Variants in PRKAG2 observed in about 807,000 individuals in gnomAD.
The protein encoded by PRKAG2 is protein kinase AMP-activated non-catalytic subunit gamma 2.
A neutral mutation model predicts 69.6 loss-of-function variants in PRKAG2; 26 were observed. The ratio of observed to expected loss-of-function variants is 0.37; its 90% CI spans 0.27 to 0.52. The LOEUF (loss-of-function observed/expected upper bound fraction) is 0.52. PRKAG2 is among the 20% of genes least tolerant of loss of function. The pLI, the probability that PRKAG2 is intolerant of heterozygous loss-of-function variation, is 0.90. For missense variants in PRKAG2, 557 were observed against 740.0 expected (o/e 0.75, Z 2.87); for synonymous variants, 293 against 285.0 (o/e 1.03, Z -0.28).
At chr7:151,571,073 A>AT (rs549539764) in intron 9 of PRKAG2, among the ~76,000 whole-genome samples, 10,129 of 134,974 alleles carry the variant, frequency 0.075, 896 homozygotes, top group African/African-American at 0.21. Flanking sequence ...GCCCAGCCTA[A>AT]TTTTTTTTTT....
At chr7:151,843,422 C>A (rs942671571) in intron 1 of PRKAG2, among the ~76,000 whole-genome samples, 1 of 152,154 alleles carries the variant, frequency 6.6e-6, no homozygotes, top group Admixed American at 6.5e-5. Flanking sequence ...TGCACCATCA[C>A]GCGGCTACAG....
At position 151,835,962 on chromosome 7, in the gene PRKAG2, A is replaced by G. The variant is rs1015005851; in HGVS notation, c.114+40545T>C. 2.0e-5 allele frequency among the ~76,000 whole-genome samples: 3 copies of G among 152,158 alleles called. No individual in the cohort carries two copies. Among genetic ancestry groups the G allele is most frequent in the African/African-American group, 7.2e-5 (3 of 41,440 alleles). On this transcript the variant is annotated intron_variant, in intron 1 of 15. Coordinates refer to ENST00000287878, the MANE Select transcript of PRKAG2 (RefSeq NM_016203.4). The surrounding 1 kb of genome is among the most constrained non-coding windows in gnomAD (Gnocchi z 4.1). ...TGACGAGGCCAATCCACGGGCATTGATTGCTCCATGGACCAGCGTGTCTGA... is the reference window on the plus strand; with the variant it reads ...TGACGAGGCCAATCCACGGGCATTGGTTGCTCCATGGACCAGCGTGTCTGA...
intron 3 of PRKAG2, among the ~76,000 whole-genome samples, chr7:151,726,346 GCTTAC>G: frequency 6.7e-6 from 1 of 149,934 alleles, no homozygotes; most frequent in East Asian, 2.0e-4. Flanking sequence ...CACAGCACCT[GCTTAC>G]AGAATCACCA....
chr7:151,726,540 G>A (rs147288007), intron 3 of PRKAG2, among the ~76,000 whole-genome samples: 1,681 of 152,220 alleles, frequency 0.011, 54 homozygotes, highest in Non-Finnish European at 7.1e-3. Context: ...TCACAGCCCC[G>A]ACTGGAAACC....
At chr7:151,762,630 A>G (rs1188794998) in intron 3 of PRKAG2, among the ~76,000 whole-genome samples, 2 of 152,222 alleles carry the variant, frequency 1.3e-5, no homozygotes, top group Admixed American at 1.3e-4. Flanking sequence ...GCCCACGCAC[A>G]TCGACCAGCA....
chr7:151,724,630 G>A (rs1797634205), intron 3 of PRKAG2, among the ~76,000 whole-genome samples: 1 of 152,072 alleles, frequency 6.6e-6, no homozygotes, highest in African/African-American at 2.4e-5. Context: ...CCGGGCTTTG[G>A]GCACCCTTGC....
intron 4 of PRKAG2, among the ~76,000 whole-genome samples, chr7:151,649,971 C>T (rs1473766381): frequency 6.6e-6 from 1 of 152,124 alleles, no homozygotes; most frequent in African/African-American, 2.4e-5. Context: ...GAGGAAATGT[C>T]CCCCTCACCT....
At chr7:151,797,318 A>G (rs2077604219) in intron 1 of PRKAG2, among the ~76,000 whole-genome samples, 2 of 146,488 alleles carry the variant, frequency 1.4e-5, no homozygotes, top group South Asian at 4.5e-4. Flanking sequence ...TGCAGGAGGG[A>G]CACCATGAAC....
rs781180303 is a variant in PRKAG2, at chr7:151,632,027, G to T, written c.754+42C>A. ...CGGGTCCCGGTCCTCGGGCGGCCGG[G>T]CCGTGGGAGCGCCGGGCCGGCAGCG... On this transcript the variant is annotated intron_variant, in intron 5 of 15. Transcript: ENST00000287878. The surrounding 1 kb of genome is among the most constrained non-coding windows in gnomAD (Gnocchi z 4.2). 1.6e-6 allele frequency: 2 copies of T among 1,288,660 alleles called. No homozygotes were observed. Among genetic ancestry groups the T allele is most frequent in the South Asian group, 4.0e-5 (2 of 49,756 alleles). 79.8% of individuals were successfully genotyped at this position (1,288,660 alleles called of 1,614,324 possible). A position where few individuals can be genotyped will look rare whatever the true frequency, so the allele number is the denominator to read the frequency against.
chr7:151,789,166 G>C (rs1456966397), intron 1 of PRKAG2, among the ~76,000 whole-genome samples: 1 of 152,088 alleles, frequency 6.6e-6, no homozygotes, highest in African/African-American at 2.4e-5. Flanking sequence ...TTTTAGGATA[G>C]ACTAATTGTT....
chr7:151,663,145 G>A (rs1158230360), intron 4 of PRKAG2, among the ~76,000 whole-genome samples: 1 of 152,150 alleles, frequency 6.6e-6, no homozygotes, highest in Non-Finnish European at 1.5e-5. Context: ...TGGCAAGGGA[G>A]GGAAGGGCAA....
intron 3 of PRKAG2, among the ~76,000 whole-genome samples, chr7:151,770,374 C>T (rs1391104682): frequency 1.3e-5 from 2 of 152,186 alleles, no homozygotes; most frequent in Non-Finnish European, 2.9e-5. Context: ...CACAATTAGC[C>T]AATTATGCAT....
At chr7:151,696,002 A>AG (rs1278177362) in intron 3 of PRKAG2, among the ~76,000 whole-genome samples, 2 of 152,046 alleles carry the variant, frequency 1.3e-5, no homozygotes, top group Non-Finnish European at 2.9e-5. Context: ...CAGGGGTCCG[A>AG]GGGGGCGGGC....
intron 4 of PRKAG2, among the ~76,000 whole-genome samples, chr7:151,670,039 C>T (rs530959910): frequency 6.7e-6 from 1 of 149,608 alleles, no homozygotes; most frequent in African/African-American, 2.5e-5. Context: ...CACCTGCATG[C>T]ACACACACCT....
intron 6 of PRKAG2, among the ~76,000 whole-genome samples, chr7:151,586,284 G>A (rs1037576235): frequency 1.2e-4 from 18 of 152,038 alleles, no homozygotes; most frequent in African/African-American, 3.9e-4. Context: ...GTCATGGCAC[G>A]GCCGTCTACG....
chr7:151,860,252 G>A (rs941666165), intron 1 of PRKAG2, among the ~76,000 whole-genome samples: 7 of 152,356 alleles, frequency 4.6e-5, no homozygotes, highest in African/African-American at 1.4e-4. Flanking sequence ...GGGGCACCAG[G>A]ACAGGCCCTC....
At chr7:151,675,382 C>T (rs532917113) in intron 4 of PRKAG2, 38 bp downstream of exon 4, 8 of 1,589,926 alleles carry the variant, frequency 5.0e-6, no homozygotes, top group Admixed American at 3.4e-5. Flanking sequence ...CTCCCTCTGC[C>T]ACCCGGCAGC....
intron 5 of PRKAG2, among the ~76,000 whole-genome samples, chr7:151,605,623 G>A (rs1372456307): frequency 6.6e-6 from 1 of 151,300 alleles, no homozygotes; most frequent in Non-Finnish European, 1.5e-5. Context: ...TGTAATCCCA[G>A]CTACTTGGCA....
chr7:151,687,626 A>T (rs1834925361), intron 3 of PRKAG2, among the ~76,000 whole-genome samples: 1 of 152,076 alleles, frequency 6.6e-6, no homozygotes, highest in South Asian at 2.1e-4. Context: ...ACATCTCAGA[A>T]CCTCATTTTC....
Sources: gnomAD v4.1 joint callset for allele counts (sites outside exome capture counted in the v4.1 genomes callset) on GRCh38, gnomAD v4.1.1 for gene constraint, Gnocchi (gnomAD v3.1) non-coding constraint, MANE v1.5 for transcripts, NCBI Gene and HGNC (gene_info 2026-07-23, HGNC 2026-07-21) for gene names.